MBD5: variants seen among roughly 807,000 people sequenced by gnomAD.
The protein encoded by MBD5 is methyl-CpG-binding domain protein 5.
A neutral mutation model predicts 117.3 loss-of-function variants in MBD5; 13 were observed. The observed-to-expected ratio is 0.11, with a 90% CI of 0.07 to 0.18. The LOEUF (loss-of-function observed/expected upper bound fraction) is 0.18, where lower values mean the gene tolerates loss of function less well. MBD5 is among the 10% of genes least tolerant of loss of function. MBD5 has a pLI of 1.00. For missense variants in MBD5, 1,879 were observed against 2,093.8 expected (o/e 0.90, Z 2.00); for synonymous variants, 727 against 766.4 (o/e 0.95, Z 0.85).
At chr2:148,240,130 A>C (rs1700182390) in intron 3 of MBD5, among the ~76,000 whole-genome samples, 1 of 152,160 alleles carries the variant, frequency 6.6e-6, no homozygotes, top group Non-Finnish European at 1.5e-5. Context: ...ACATAGATGA[A>C]GCTGGAAACC....
chr2:148,085,687 G>A (rs748055689), intron 1 of MBD5, among the ~76,000 whole-genome samples: 2 of 151,438 alleles, frequency 1.3e-5, no homozygotes, highest in Non-Finnish European at 2.9e-5. Flanking sequence ...TCCCGCCACT[G>A]CACTCCAGCC....
chr2:148,137,566 C>T (rs1697200240), intron 1 of MBD5, among the ~76,000 whole-genome samples: 1 of 152,154 alleles, frequency 6.6e-6, no homozygotes, highest in South Asian at 2.1e-4. Context: ...TCAAGACCAG[C>T]CTGGATAACA....
At chr2:148,139,904 T>C (rs1297593469) in intron 1 of MBD5, among the ~76,000 whole-genome samples, 2 of 152,140 alleles carry the variant, frequency 1.3e-5, no homozygotes, top group African/African-American at 4.8e-5. Flanking sequence ...GAATGAATGA[T>C]TGTGACAAAA....
At chr2:148,324,197 T>C (rs1049916679) in intron 3 of MBD5, among the ~76,000 whole-genome samples, 1 of 152,184 alleles carries the variant, frequency 6.6e-6, no homozygotes, top group Non-Finnish European at 1.5e-5. Context: ...GTTCCATTGA[T>C]CTATATCTCT....
intron 11 of MBD5, among the ~76,000 whole-genome samples, chr2:148,494,391 G>C (rs773548567): frequency 6.6e-6 from 1 of 152,008 alleles, no homozygotes; most frequent in African/African-American, 2.4e-5. Context: ...GAGTGAACTT[G>C]AAAGTTCCTC....
intron 3 of MBD5, among the ~76,000 whole-genome samples, chr2:148,307,837 T>G (rs924652610): frequency 6.6e-6 from 1 of 152,054 alleles, no homozygotes; most frequent in African/African-American, 2.4e-5. Context: ...TTCCCCTCCC[T>G]GTGACCATAT....
chr2:148,074,180 C>G (rs1325986621), intron 1 of MBD5, among the ~76,000 whole-genome samples: 1 of 152,126 alleles, frequency 6.6e-6, no homozygotes, highest in Non-Finnish European at 1.5e-5. Context: ...GCTTTGACTT[C>G]TATGAAGCAG....
intron 4 of MBD5, among the ~76,000 whole-genome samples, chr2:148,345,566 CGT>C (rs1253741487): frequency 8.4e-5 from 4 of 47,772 alleles, no homozygotes; most frequent in Admixed American, 1.7e-4. Context: ...TGTATATACA[CGT>C]ATACACATAC....
chr2:148,094,961 T>C (rs2105257466), intron 1 of MBD5, among the ~76,000 whole-genome samples: 1 of 152,292 alleles, frequency 6.6e-6, no homozygotes, highest in South Asian at 2.1e-4. Flanking sequence ...GTTTTTTCTA[T>C]ACTCAGTGCT....
chr2:148,078,646 C>CT (rs1454569110), intron 1 of MBD5, among the ~76,000 whole-genome samples: 1 of 152,200 alleles, frequency 6.6e-6, no homozygotes, highest in Non-Finnish European at 1.5e-5. Flanking sequence ...ACTGACTGCT[C>CT]TTTCTACAGT....
chr2:148,134,571 T>C (rs1267385316), intron 1 of MBD5, among the ~76,000 whole-genome samples: 2 of 152,214 alleles, frequency 1.3e-5, no homozygotes, highest in Non-Finnish European at 2.9e-5. Flanking sequence ...TCTCTTCTTC[T>C]AGATGAAAGC....
chr2:148,380,717 C>T (rs997555263), intron 4 of MBD5, among the ~76,000 whole-genome samples: 5 of 152,118 alleles, frequency 3.3e-5, no homozygotes, highest in African/African-American at 1.2e-4. Context: ...TGGGAGGCAC[C>T]CCCAGTAGGG....
chr2:148,290,071 T>C (rs529776135), intron 3 of MBD5, among the ~76,000 whole-genome samples: 3 of 149,790 alleles, frequency 2.0e-5, no homozygotes, highest in South Asian at 4.3e-4. Context: ...TTATCCTGCC[T>C]CAGCCTCCCA....
intron 1 of MBD5, among the ~76,000 whole-genome samples, chr2:148,166,233 TA>T (rs555746355): frequency 1.4e-3 from 210 of 152,288 alleles, no homozygotes; most frequent in African/African-American, 4.7e-3. Context: ...CTCCTGTACA[TA>T]ATTTATGTAA....
chr2:148,441,578 G>A (rs1375392804), intron 4 of MBD5, among the ~76,000 whole-genome samples: 2 of 152,174 alleles, frequency 1.3e-5, no homozygotes, highest in African/African-American at 4.8e-5. Context: ...ATGTGCATGT[G>A]TCTTTATAGC....
intron 4 of MBD5, among the ~76,000 whole-genome samples, chr2:148,397,800 CT>C (rs1438930390): frequency 2.1e-5 from 3 of 143,126 alleles, no homozygotes; most frequent in Admixed American, 7.0e-5. Context: ...TATCCCTCCC[CT>C]CTCCCCCTAC....
intron 4 of MBD5, among the ~76,000 whole-genome samples, chr2:148,439,268 G>T (rs1204891510): frequency 6.6e-6 from 1 of 152,156 alleles, no homozygotes; most frequent in Non-Finnish European, 1.5e-5. Flanking sequence ...CAGGATTAGG[G>T]TGTTGAGGAT....
chr2:148,356,252 A>G (rs1703377604), intron 4 of MBD5, among the ~76,000 whole-genome samples: 2 of 152,056 alleles, frequency 1.3e-5, no homozygotes, highest in Non-Finnish European at 2.9e-5. Context: ...TCTTTTTCTT[A>G]AATTCTTGAC....
intron 4 of MBD5, among the ~76,000 whole-genome samples, chr2:148,399,947 G>A (rs1432011481): frequency 6.6e-6 from 1 of 152,044 alleles, no homozygotes; most frequent in Non-Finnish European, 1.5e-5. Context: ...TTTATATGCT[G>A]GATTACGTTT....
Sources: gnomAD v4.1 joint callset for allele counts (sites outside exome capture counted in the v4.1 genomes callset) on GRCh38, gnomAD v4.1.1 for gene constraint, MANE v1.5 for transcripts, NCBI Gene and HGNC (gene_info 2026-07-23, HGNC 2026-07-21) for gene names.